NRG2: variants seen among roughly 807,000 people sequenced by gnomAD.
NRG2 encodes pro-neuregulin-2, membrane-bound isoform.
In NRG2, 27 loss-of-function variants were observed where a neutral mutation model predicts 73.9. The observed-to-expected ratio is 0.37, with a 90% confidence interval of 0.27 to 0.50. The LOEUF is 0.50. NRG2 is among the 20% of genes least tolerant of loss of function. The probability of loss-of-function intolerance (pLI) is 0.96; values close to 1 mark genes in which losing one functional copy is unlikely to be tolerated. For missense variants in NRG2, 1,126 were observed against 1,210.1 expected (o/e 0.93, Z 1.03); for synonymous variants, 532 against 541.0 (o/e 0.98, Z 0.23).
Position 139,852,629 on chromosome 5 carries a change from G to C in NRG2, c.1417-70C>G. 1 of 1,580,504 alleles carries C rather than the reference G, an allele frequency of 6.3e-7. No homozygotes were observed. Among genetic ancestry groups the C allele is most frequent in the Non-Finnish European group, 8.6e-7 (1 of 1,162,010 alleles). On this transcript the variant is annotated intron_variant, in intron 7 of 9. Transcript: ENST00000361474. The surrounding 1 kb of genome is among the most constrained non-coding windows in gnomAD (Gnocchi z 4.4). ...ATGAACTCTTTCTTGTTGGGGACAG[G>C]GAAGTGATGAGCACTGACTGAGCTC...
At chr5:140,037,079 T>C (rs1029172150) in intron 1 of NRG2, among the ~76,000 whole-genome samples, 3 of 152,226 alleles carry the variant, frequency 2.0e-5, no homozygotes, top group African/African-American at 7.2e-5. Flanking sequence ...CCTGGGATTG[T>C]ACCAGCTGTG....
chr5:140,042,797 G>A lies in NRG2; in HGVS notation c.273C>T (p.Gly91=). Residue 91 remains glycine, a synonymous_variant, in exon 1 of 10, where the codon GGC becomes GGT. Coordinates refer to ENST00000361474, the MANE Select transcript of NRG2 (RefSeq NM_004883.3). The part of the protein sequence containing the change: ...AAARSRAAAA[G]GMRRDPAPGF... The stretch of plus-strand genomic sequence containing the variant: ...CGGGGGCCGGGTCGCGCCTCATGCC[G>A]CCGGCGGCTGCGGCTCGCGAACGGG... The A allele has an allele frequency of 6.6e-7, 1 of 1,505,484 alleles. No homozygotes were observed. The highest frequency in any genetic ancestry group is 2.1e-5 in the Admixed American group (1 of 46,740). The allele number at this position is 1,505,484 out of a possible 1,614,324, so 93.3% of individuals were successfully genotyped here.
At chr5:139,979,097 AG>A (rs1385716167) in intron 1 of NRG2, among the ~76,000 whole-genome samples, 6 of 67,128 alleles carry the variant, frequency 8.9e-5, no homozygotes, top group Non-Finnish European at 1.4e-4. Context: ...GGGTGGGGGG[AG>A]GGGGGAGGGA....
At chr5:140,018,739 G>A (rs568855316) in intron 1 of NRG2, among the ~76,000 whole-genome samples, 6 of 152,282 alleles carry the variant, frequency 3.9e-5, no homozygotes, top group Admixed American at 1.3e-4. Context: ...ATAGGTCAGC[G>A]CTTGACTCCT....
intron 4 of NRG2, among the ~76,000 whole-genome samples, chr5:139,867,776 G>C (rs568426315): frequency 7.9e-6 from 1 of 127,352 alleles, no homozygotes; most frequent in African/African-American, 4.3e-5. Flanking sequence ...GTGTGTGTGT[G>C]TGTGTGTGTG....
At chr5:139,991,240 C>G (rs1358387728) in intron 1 of NRG2, among the ~76,000 whole-genome samples, 1 of 151,956 alleles carries the variant, frequency 6.6e-6, no homozygotes, top group Non-Finnish European at 1.5e-5. Flanking sequence ...CGCACCACTG[C>G]ACTCCAGCCT....
At chr5:139,889,850 G>A (rs1043796342) in intron 1 of NRG2, among the ~76,000 whole-genome samples, 2 of 152,196 alleles carry the variant, frequency 1.3e-5, no homozygotes, top group African/African-American at 4.8e-5. Context: ...GTAAAATACA[G>A]GAGATAAATA....
chr5:139,856,557 A>C lies in NRG2; in HGVS notation c.1190-779T>G, dbSNP rs1581778519. 6.6e-6 allele frequency among the ~76,000 whole-genome samples: 1 copy of C among 152,022 alleles called. No homozygotes were observed. The highest frequency in any genetic ancestry group is 1.5e-5 in the Non-Finnish European group (1 of 67,976). ...GTCAAGGCTACAGCCCGGAGACCCCACCCGTGCCCACCACACCTGCTGGCT... is the reference window on the plus strand; with the variant it reads ...GTCAAGGCTACAGCCCGGAGACCCCCCCCGTGCCCACCACACCTGCTGGCT... On this transcript the variant is annotated intron_variant, in intron 5 of 9. Coordinates refer to ENST00000361474, the MANE Select transcript of NRG2 (RefSeq NM_004883.3). The surrounding 1 kb of genome is among the most constrained non-coding windows in gnomAD (Gnocchi z 4.2).
In NRG2 at chr5:139,871,749, T is replaced by C; in HGVS notation, c.1084A>G (p.Ile362Val). 6.2e-7 allele frequency: 1 copy of C among 1,614,064 alleles called. No homozygotes were observed. The highest frequency in any genetic ancestry group is 1.1e-5 in the South Asian group (1 of 91,072). The change falls in exon 4 of 10, where the codon ATC becomes GTC. Residue 362 changes from isoleucine to valine, a missense_variant. Ile to Val is a conservative substitution (Grantham distance 29). Around this residue, in one of 3 missense-constraint regions of NRG2, gnomAD observed 539 missense variants for 703.2 expected, o/e 0.77. Transcript: ENST00000361474. ...CAGGAGAGCTGGTTGATGCCCTCGA[T>C]GTAGTAGCAGACGCCTCCATTGACG... The part of the protein sequence containing the change: ...YCVNGGVCYY[I>V]EGINQLSCKC...
Position 139,847,878 on chromosome 5 carries a change from T to C in NRG2, c.*39A>G, listed in dbSNP as rs929767491. ...AGGCGGTCTCTGGTCTCCTTAAAGA[T>C]AGTGGGGCGGGCGGGGCGGAGGGGC... On this transcript the variant is annotated 3_prime_UTR_variant, in exon 10 of 10. Coordinates refer to ENST00000361474, the MANE Select transcript of NRG2 (RefSeq NM_004883.3). 3.6e-5 allele frequency: 48 copies of C among 1,336,922 alleles called. No homozygotes were observed. Among genetic ancestry groups the C allele is most frequent in the South Asian group, 5.0e-5 (3 of 59,488 alleles). The allele number at this position is 1,336,922 out of a possible 1,614,324, so 82.8% of individuals were successfully genotyped here.
At chr5:139,930,813 C>T (rs1460832870) in intron 1 of NRG2, among the ~76,000 whole-genome samples, 1 of 152,206 alleles carries the variant, frequency 6.6e-6, no homozygotes, top group East Asian at 1.9e-4. Context: ...GACAGGCAGG[C>T]CATGGGATGC....
intron 5 of NRG2, 128 bp from the exon 6 acceptor site, chr5:139,855,906 A>G: frequency 1.5e-6 from 1 of 684,898 alleles, no homozygotes; most frequent in Non-Finnish European, 2.6e-6. Context: ...GCTCCTTTCC[A>G]TCCCTTTTCT....
intron 1 of NRG2, among the ~76,000 whole-genome samples, chr5:139,936,283 A>G (rs1348787711): frequency 6.6e-6 from 1 of 152,174 alleles, no homozygotes; most frequent in East Asian, 1.9e-4. Context: ...ATAAATCAGG[A>G]AAAAATGAGA....
chr5:139,865,112 T>C lies in NRG2; in HGVS notation c.1189+437A>G, dbSNP rs1208592290. 1.2e-6 allele frequency: 2 copies of C among 1,611,100 alleles called. No homozygotes were observed. The highest frequency in any genetic ancestry group is 1.7e-6 in the Non-Finnish European group (2 of 1,177,412). Reference sequence around the variant, plus strand: ...AGAGAAGAAATAGAAGAAAGAGACATACTGGAGAAGTTGACCATTGCGAAC... The same window carrying C: ...AGAGAAGAAATAGAAGAAAGAGACACACTGGAGAAGTTGACCATTGCGAAC... On this transcript the variant is annotated intron_variant, in intron 5 of 9. Coordinates refer to ENST00000361474, the MANE Select transcript of NRG2 (RefSeq NM_004883.3). The surrounding 1 kb of genome is among the most constrained non-coding windows in gnomAD (Gnocchi z 5.2).
chr5:139,926,623 C>A (rs1225385960), intron 1 of NRG2, among the ~76,000 whole-genome samples: 1 of 152,156 alleles, frequency 6.6e-6, no homozygotes. Flanking sequence ...AAACAGTCTA[C>A]CTCTGCTTTT....
intron 2 of NRG2, among the ~76,000 whole-genome samples, chr5:139,884,866 A>G (rs1763761891): frequency 6.6e-6 from 1 of 152,164 alleles, no homozygotes; most frequent in East Asian, 1.9e-4. Context: ...GGGACAGAGG[A>G]GGAAGGCTCG....
chr5:139,854,228 G>A (rs769743058), intron 6 of NRG2, among the ~76,000 whole-genome samples: 1 of 152,312 alleles, frequency 6.6e-6, no homozygotes, highest in South Asian at 2.1e-4. Flanking sequence ...AGCCCTCTCT[G>A]GCCTCCCGGC....
At chr5:140,040,685 T>C (rs971564515) in intron 1 of NRG2, among the ~76,000 whole-genome samples, 3 of 152,182 alleles carry the variant, frequency 2.0e-5, no homozygotes, top group African/African-American at 7.2e-5. Context: ...ATTCAATAAA[T>C]ATTTTTACTA....
intron 5 of NRG2, among the ~76,000 whole-genome samples, chr5:139,858,576 C>G (rs1312867983): frequency 6.6e-6 from 1 of 152,178 alleles, no homozygotes; most frequent in Non-Finnish European, 1.5e-5. Flanking sequence ...ATGTTTGTTG[C>G]ATTGGTGAGT....
Sources: gnomAD v4.1 joint callset for allele counts (sites outside exome capture counted in the v4.1 genomes callset) on GRCh38, gnomAD v4.1.1 for gene constraint, gnomAD v4.1.1 regional missense constraint, Gnocchi (gnomAD v3.1) non-coding constraint, MANE v1.5 for transcripts, NCBI Gene and HGNC (gene_info 2026-07-23, HGNC 2026-07-21) for gene names.